The following CCDC149 variants were observed in gnomAD, a reference collection of about 807,000 sequenced individuals.
CCDC149 encodes coiled-coil domain containing 149.
Under a neutral mutation model 59.9 loss-of-function variants are expected in CCDC149, and 45 were observed. The ratio of observed to expected loss-of-function variants is 0.75; its 90% confidence interval spans 0.59 to 0.96. The LOEUF is 0.96. CCDC149 is among the 40% of genes least tolerant of loss of function. CCDC149 has a pLI of 0.00. For synonymous variants in CCDC149, 245 were observed against 260.6 expected (o/e 0.94, Z 0.58); for missense variants, 584 against 664.7 (o/e 0.88, Z 1.33).
intron 1 of CCDC149, among the ~76,000 whole-genome samples, chr4:24,938,625 C>A (rs1449584096): frequency 6.6e-6 from 1 of 152,184 alleles, no homozygotes; most frequent in Non-Finnish European, 1.5e-5. Flanking sequence ...TGCAAGGGGT[C>A]AGGGAATTCC....
rs180790025 is a variant in CCDC149 at position 24,954,412 on chromosome 4, C to T, written c.-65+25657G>A. On this transcript the variant is annotated intron_variant, in intron 1 of 12. Coordinates refer to the CCDC149 transcript ENST00000389609. ...GAGGGCTCTCTGTAAGCTCTGCCTC[C>T]GTGGTAGGTCTCTGCCTGGGCTCTG... is the stretch of plus-strand genomic sequence containing the variant. Among the ~76,000 whole-genome samples the T allele has an allele frequency of 3.9e-5, 6 of 152,340 alleles. No homozygotes were observed. In the East Asian group the frequency reaches 5.8e-4, roughly 15 times the overall value.
intron 1 of CCDC149, among the ~76,000 whole-genome samples, chr4:24,941,437 G>C (rs1722951453): frequency 6.6e-6 from 1 of 152,148 alleles, no homozygotes; most frequent in Admixed American, 6.5e-5. Context: ...GCCCACAAGA[G>C]AAAGCAGGAA....
chr4:24,966,369 G>A (rs1414933921), intron 1 of CCDC149, among the ~76,000 whole-genome samples: 1 of 152,090 alleles, frequency 6.6e-6, no homozygotes, highest in East Asian at 1.9e-4. Flanking sequence ...TCCCACAGAA[G>A]GGATCTCATG....
intron 1 of CCDC149, among the ~76,000 whole-genome samples, chr4:24,877,170 TTTGTCTG>T (rs1484585644): frequency 7.3e-6 from 1 of 136,200 alleles, no homozygotes; most frequent in East Asian, 2.1e-4. Flanking sequence ...TATATGGTTT[TTTGTCTG>T]TTTGTTTGTT....
At chr4:24,830,572 C>A (rs1412760973) in intron 9 of CCDC149, 1 of 152,178 alleles carries the variant, frequency 6.6e-6, no homozygotes, top group Non-Finnish European at 1.5e-5. Context: ...GCCTCTCTCC[C>A]ATGCCCCTGC....
At chr4:24,942,298 CAT>C (rs1399090845) in intron 1 of CCDC149, among the ~76,000 whole-genome samples, 2 of 152,184 alleles carry the variant, frequency 1.3e-5, no homozygotes, top group Non-Finnish European at 2.9e-5. Flanking sequence ...ACAAAAACCA[CAT>C]GATTATCTCA....
chr4:24,974,212 C>T (rs1265852763), intron 1 of CCDC149, among the ~76,000 whole-genome samples: 1 of 152,200 alleles, frequency 6.6e-6, no homozygotes, highest in Non-Finnish European at 1.5e-5. Flanking sequence ...CACCAATCAG[C>T]CATCTGTGGT....
In CCDC149 at chr4:24,853,116, T is replaced by C. The variant is rs1023509635; in HGVS notation, c.328A>G (p.Lys110Glu). The change falls in exon 4 of 13, where the codon AAA becomes GAA. Residue 110 changes from lysine (K) to glutamate (E), a missense_variant. Lys to Glu is a moderately conservative substitution (Grantham distance 56). Transcript: ENST00000635206. ...TCTCCAAGCCTTTGCTGAAGTTCTT[T>C]AATTTCTTCTCCCAGATGTTTATTT... 1.2e-5 allele frequency: 19 copies of C among 1,613,918 alleles called. 1 individual carries two copies. The highest frequency in any genetic ancestry group is 1.3e-5 in the African/African-American group (1 of 74,940).
chr4:24,866,844 C>CAA (rs397778765), intron 3 of CCDC149, among the ~76,000 whole-genome samples: 1 of 148,802 alleles, frequency 6.7e-6, no homozygotes, highest in Admixed American at 6.7e-5. Context: ...CACACACACA[C>CAA]GTGCATATAT....
chr4:24,875,329 CAA>C (rs1253460363), intron 2 of CCDC149, among the ~76,000 whole-genome samples: 10 of 103,842 alleles, frequency 9.6e-5, no homozygotes, highest in Non-Finnish European at 8.1e-5. Context: ...GAATCCGTCT[CAA>C]AAAAAAAAAA....
At chr4:24,956,925 A>G (rs1406772100) in intron 1 of CCDC149, among the ~76,000 whole-genome samples, 4 of 152,242 alleles carry the variant, frequency 2.6e-5, no homozygotes, top group Non-Finnish European at 5.9e-5. Context: ...AGAGCTCTGT[A>G]CTAGGCCTAG....
At chr4:24,913,879 A>G (rs1374249330), upstream of CCDC149, among the ~76,000 whole-genome samples, 2 of 152,250 alleles carry the variant, frequency 1.3e-5, no homozygotes, top group East Asian at 3.8e-4. Context: ...AGGGAAGGTG[A>G]ATCACACACA....
upstream of CCDC149, among the ~76,000 whole-genome samples, chr4:24,913,277 A>G (rs1722007999): frequency 2.0e-5 from 3 of 152,146 alleles, no homozygotes; most frequent in Admixed American, 1.3e-4. Context: ...GTCCCCCGCA[A>G]GAAGCAAATC....
intron 10 of CCDC149, 40 bp downstream of exon 10, chr4:24,822,457 A>G: frequency 7.2e-7 from 1 of 1,380,072 alleles, no homozygotes; most frequent in Non-Finnish European, 9.7e-7. Flanking sequence ...AAAAAAAGAA[A>G]AAAAAAAAAG....
At chr4:24,927,410 T>C (rs1722459931) in intron 1 of CCDC149, among the ~76,000 whole-genome samples, 1 of 152,258 alleles carries the variant, frequency 6.6e-6, no homozygotes, top group African/African-American at 2.4e-5. Context: ...AAATGCAGCA[T>C]AAATATATGT....
At chr4:24,909,592 C>T (rs1035129275) in intron 1 of CCDC149, among the ~76,000 whole-genome samples, 3 of 152,174 alleles carry the variant, frequency 2.0e-5, no homozygotes, top group African/African-American at 4.8e-5. Flanking sequence ...TGGTTTGGCT[C>T]TGTGTCCCCA....
At chr4:24,953,095 C>G (rs757679992) in intron 1 of CCDC149, among the ~76,000 whole-genome samples, 1 of 152,088 alleles carries the variant, frequency 6.6e-6, no homozygotes, top group Non-Finnish European at 1.5e-5. Flanking sequence ...AGAACTTGCC[C>G]CCCTCCAATT....
chr4:24,808,513 C>G lies in CCDC149; in HGVS notation c.1499G>C (p.Gly500Ala), dbSNP rs1441972817. 6.5e-7 allele frequency: 1 copy of G among 1,532,402 alleles called. No individual in the cohort carries two copies. Among genetic ancestry groups the G allele is most frequent in the Non-Finnish European group, 8.8e-7 (1 of 1,138,324 alleles). The allele number at this position is 1,532,402 out of a possible 1,614,324, so 94.9% of individuals were successfully genotyped here. Residue 500 changes from glycine to alanine, a missense_variant, in exon 13 of 13, where the codon GGG becomes GCG. Coordinates refer to ENST00000635206, the MANE Select transcript of CCDC149 (RefSeq NM_001330643.2). ...GTCCAGGTGAGATTTAGGGAGCTCC[C>G]CCTGGATGGCCAGGCCTGGCGGGGC...
rs528550123 is a variant in CCDC149 at position 24,865,120 on chromosome 4, T to C, written c.264+8561A>G. Among the ~76,000 whole-genome samples the C allele has an allele frequency of 2.0e-5, 3 of 152,062 alleles. No homozygotes were observed. In the East Asian group the frequency reaches 5.8e-4, roughly 29 times the overall value. On this transcript the variant is annotated intron_variant, in intron 3 of 12. Transcript: ENST00000635206. The stretch of plus-strand genomic sequence containing the variant: ...TAAATCAGAACTGGAACTCAAAAAT[T>C]AGAAGAAAACAAGAGAGAGACAGAC...
Sources: gnomAD v4.1 joint callset for allele counts (sites outside exome capture counted in the v4.1 genomes callset) on GRCh38, gnomAD v4.1.1 for gene constraint, MANE v1.5 for transcripts, NCBI Gene and HGNC (gene_info 2026-07-23, HGNC 2026-07-21) for gene names.